Variants in LTF observed in about 807,000 individuals in gnomAD.
LTF encodes the protein epididymis luminal protein 110.
Under a neutral mutation model 87.2 loss-of-function variants are expected in LTF, and 91 were observed. The ratio of observed to expected loss-of-function variants is 1.04; its 90% CI spans 0.88 to 1.24. The LOEUF (loss-of-function observed/expected upper bound fraction) is 1.24, where lower values mean the gene tolerates loss of function less well. Among genes scored for constraint, LTF ranks in the 50% most tolerant of loss-of-function variants. LTF has a pLI of 0.00. For missense variants in LTF, 901 were observed against 904.3 expected, an observed-to-expected ratio of 1.00 and a Z score of 0.05; for synonymous variants, 378 against 356.1, an observed-to-expected ratio of 1.06 and a Z score of -0.69.
chr3:46,450,438 AC>A lies in LTF; in HGVS notation c.882+56del. ...GTGGCAGAAGTCAGGGAAGTAAGAA[AC>A]CTTGCTCCCTGCCCCCCATATCCAA... On this transcript the variant is annotated intron_variant, in intron 7 of 16. Transcript: ENST00000231751. The A allele has an allele frequency of 2.6e-6, 4 of 1,544,886 alleles. No individual in the cohort carries two copies. The South Asian group carries it at 4.7e-5, about 18-fold the overall frequency.
At chr3:46,468,277 G>T (rs1457565213), upstream of LTF, 1 of 456,746 alleles carries the variant, frequency 2.2e-6, no homozygotes, top group East Asian at 6.9e-5. Context: ...TGGTCTATGG[G>T]ACATCTCCAA....
intron 11 of LTF, among the ~76,000 whole-genome samples, chr3:46,445,763 T>C (rs1702637879): frequency 6.6e-6 from 1 of 152,166 alleles, no homozygotes; most frequent in African/African-American, 2.4e-5. Context: ...ACAAACACTA[T>C]AAACAACAAG....
Position 46,447,415 on chromosome 3 carries a change from G to C in LTF, c.1213-17C>G. The C allele has an allele frequency of 6.4e-7, 1 of 1,574,360 alleles. No homozygotes were observed. The highest frequency in any genetic ancestry group is 8.7e-7 in the Non-Finnish European group (1 of 1,144,236). On this transcript the variant is annotated splice_polypyrimidine_tract_variant and intron_variant, in intron 9 of 16. Transcript: ENST00000231751. ...TTCTCCTTTCTGCAAAGACAGAGCAGATCTCCAGCACCACAGTGAGGCTGC... is the reference window on the plus strand; with the variant it reads ...TTCTCCTTTCTGCAAAGACAGAGCACATCTCCAGCACCACAGTGAGGCTGC...
chr3:46,453,080 A>T (rs1420051697), intron 6 of LTF, among the ~76,000 whole-genome samples: 2 of 152,230 alleles, frequency 1.3e-5, no homozygotes, highest in Non-Finnish European at 2.9e-5. Context: ...AATCAGCAAT[A>T]GTTTGATACC....
At chr3:46,473,056 G>A (rs562050771) in intron 1 of LTF, among the ~76,000 whole-genome samples, 3 of 152,030 alleles carry the variant, frequency 2.0e-5, no homozygotes, top group East Asian at 1.9e-4. Context: ...TGCCTCTTGC[G>A]CCTGCCTGTT....
At chr3:46,483,723 A>G (rs900070584) in intron 1 of LTF, among the ~76,000 whole-genome samples, 3 of 152,158 alleles carry the variant, frequency 2.0e-5, no homozygotes, top group African/African-American at 7.2e-5. Context: ...TCATTTTGTG[A>G]TAACTCATCT....
At chr3:46,451,817 A>G (rs929849574) in intron 6 of LTF, among the ~76,000 whole-genome samples, 1 of 152,086 alleles carries the variant, frequency 6.6e-6, no homozygotes, top group Middle Eastern at 3.4e-3. Flanking sequence ...CTGGTCTCGA[A>G]CTCCTGACCT....
chr3:46,460,522 A>G (rs1014926996), intron 1 of LTF: 3 of 453,540 alleles, frequency 6.6e-6, no homozygotes, highest in African/African-American at 6.0e-5. Flanking sequence ...TTTGTTGCTC[A>G]AATCCATGTA....
intron 2 of LTF, among the ~76,000 whole-genome samples, chr3:46,457,906 T>C (rs1418325084): frequency 6.6e-6 from 1 of 151,852 alleles, no homozygotes; most frequent in African/African-American, 2.4e-5. Context: ...GCCTCCTGAG[T>C]AGCTGGGACT....
chr3:46,466,165 G>C (rs9816997), upstream of LTF, among the ~76,000 whole-genome samples: 1,392 of 152,214 alleles, frequency 9.1e-3, 30 homozygotes, highest in African/African-American at 0.031. Flanking sequence ...ATTTGAGCCT[G>C]GGAGATGAAG....
chr3:46,470,797 A>C (rs902810825), intron 1 of LTF, among the ~76,000 whole-genome samples: 1 of 152,244 alleles, frequency 6.6e-6, no homozygotes, highest in Non-Finnish European at 1.5e-5. Context: ...GACCTAGGTC[A>C]GTCTCTCAAC....
chr3:46,445,370 T>C lies in LTF; in HGVS notation c.1424A>G (p.Lys475Arg). 6.2e-7 allele frequency: 1 copy of C among 1,614,058 alleles called. No homozygotes were observed. The highest frequency in any genetic ancestry group is 8.5e-7 in the Non-Finnish European group (1 of 1,179,912). ...GTCCACGGCGGTGTGGCAGGACTTC[T>C]TGCCTTTCACAGAGTTCCAGGTAAG... ...TSLTWNSVKG[K>R]KSCHTAVDRT... is the part of the protein sequence containing the mutation. The change falls in exon 12 of 17, where the codon AAG (lysine) becomes AGG (arginine). Residue 475 changes from lysine to arginine, a missense_variant. Physicochemically the swap from Lys to Arg is conservative, Grantham distance 26. Coordinates refer to ENST00000231751, the MANE Select transcript of LTF (RefSeq NM_002343.6).
chr3:46,480,907 G>A (rs1213162841), intron 1 of LTF, among the ~76,000 whole-genome samples: 1 of 152,160 alleles, frequency 6.6e-6, no homozygotes, highest in Non-Finnish European at 1.5e-5. Flanking sequence ...TCCCCTCCAG[G>A]TGGGCCATGG....
chr3:46,449,111 G>A, intron 8 of LTF, 94 bp from the exon 9 acceptor site: 2 of 1,205,046 alleles, frequency 1.7e-6, no homozygotes, highest in South Asian at 3.0e-5. Flanking sequence ...GACTCTCCCT[G>A]GAACAGGAGC....
At chr3:46,483,525 C>A (rs1290556332) in intron 1 of LTF, among the ~76,000 whole-genome samples, 1 of 152,174 alleles carries the variant, frequency 6.6e-6, no homozygotes, top group African/African-American at 2.4e-5. Flanking sequence ...CACAAAAGAG[C>A]ACCTACCACC....
chr3:46,455,171 G>T, intron 5 of LTF, 124 bp downstream of exon 5: 1 of 1,163,482 alleles, frequency 8.6e-7, no homozygotes, highest in Non-Finnish European at 1.3e-6. Context: ...CACAGCAGTA[G>T]GAGAACAGAC....
upstream of LTF, among the ~76,000 whole-genome samples, chr3:46,469,850 G>A (rs1206834716): frequency 6.6e-6 from 1 of 152,166 alleles, no homozygotes; most frequent in African/African-American, 2.4e-5. Flanking sequence ...GAAAACAGTG[G>A]CTTCATTAGC....
intron 1 of LTF, among the ~76,000 whole-genome samples, chr3:46,471,288 C>G (rs150753651): frequency 1.2e-4 from 18 of 152,302 alleles, no homozygotes; most frequent in Non-Finnish European, 2.4e-4. Flanking sequence ...GTCTGTTTCT[C>G]TCTCTCTCCT....
intron 2 of LTF, 116 bp downstream of exon 2, chr3:46,459,540 C>G: frequency 9.4e-7 from 1 of 1,061,160 alleles, no homozygotes; most frequent in Non-Finnish European, 1.3e-6. Context: ...CGGCTCCCCA[C>G]TTCGTTGCCC....
Sources: allele counts gnomAD v4.1 joint callset (sites outside exome capture counted in the v4.1 genomes callset), GRCh38; gene constraint gnomAD v4.1.1; transcripts MANE v1.5; gene names NCBI Gene and HGNC (gene_info 2026-07-23, HGNC 2026-07-21).